The following UMAD1 variants were observed in gnomAD, a reference collection of about 807,000 sequenced individuals.
The protein encoded by UMAD1 is UBAP1-MVB12-associated (UMA)-domain containing protein 1.
In UMAD1, 8 loss-of-function variants were observed where a neutral mutation model predicts 6.1. That is an observed-to-expected ratio of 1.30 (90% CI 0.76 to 2.35). UMAD1 has a LOEUF of 2.35. Ranked by LOEUF, UMAD1 falls within the 30% of genes most tolerant of loss-of-function variation. The pLI is 0.00. For synonymous variants in UMAD1, 56 were observed against 31.4 expected (o/e 1.78, Z -2.61); for missense variants, 130 against 78.4 (o/e 1.66, Z -2.49).
chr7:7,741,284 GAC>G (rs201572739), intron 2 of UMAD1, among the ~76,000 whole-genome samples: 1,868 of 150,588 alleles, frequency 0.012, 17 homozygotes, highest in Middle Eastern at 0.028. Flanking sequence ...AAAAAAAAAA[GAC>G]TGTGGCCTGG....
Position 7,823,292 on chromosome 7 carries a change from A to T in UMAD1, c.156+21549A>T, listed in dbSNP as rs543974001. On this transcript the variant is annotated intron_variant, in intron 3 of 3. Transcript: ENST00000682710. ...TTTTTCCCTTAACTATGATTGCCAG[A>T]TTTAGCAAATAAAATTACTGGATGC... Among the ~76,000 whole-genome samples, 6 of 152,298 alleles carry T rather than the reference A, an allele frequency of 3.9e-5. No homozygotes were observed. In the East Asian group the frequency reaches 1.2e-3, roughly 29 times the overall value.
At chr7:7,743,756 ATT>A (rs1270099604) in intron 2 of UMAD1, among the ~76,000 whole-genome samples, 16 of 151,638 alleles carry the variant, frequency 1.1e-4, no homozygotes, top group African/African-American at 3.9e-4. Flanking sequence ...TTAAAAAAAT[ATT>A]GTTTTAAAAT....
At chr7:7,873,613 C>G (rs540628826) in intron 3 of UMAD1, among the ~76,000 whole-genome samples, 3 of 152,212 alleles carry the variant, frequency 2.0e-5, no homozygotes, top group Admixed American at 2.0e-4. Context: ...ATTATAAGAC[C>G]ACTCTTATAG....
chr7:7,787,577 C>T (rs1782484201), intron 2 of UMAD1, among the ~76,000 whole-genome samples: 1 of 152,114 alleles, frequency 6.6e-6, no homozygotes, highest in Non-Finnish European at 1.5e-5. Flanking sequence ...ATGTTATTTA[C>T]CTCAAACTCC....
At chr7:7,777,393 C>G (rs1323839318) in intron 2 of UMAD1, among the ~76,000 whole-genome samples, 1 of 150,744 alleles carries the variant, frequency 6.6e-6, no homozygotes, top group Non-Finnish European at 1.5e-5. Flanking sequence ...GTAATCCCAG[C>G]TACTCGGGAG....
At chr7:7,645,536 C>A (rs751369720) in intron 1 of UMAD1, among the ~76,000 whole-genome samples, 22 of 152,182 alleles carry the variant, frequency 1.4e-4, no homozygotes, top group Non-Finnish European at 2.8e-4. Context: ...AGAAGTGGAC[C>A]CGCATTCAGC....
chr7:7,664,581 A>G (rs1029515056), intron 1 of UMAD1, among the ~76,000 whole-genome samples: 1 of 152,076 alleles, frequency 6.6e-6, no homozygotes, highest in Non-Finnish European at 1.5e-5. Flanking sequence ...TTTCCTCTAT[A>G]CCCACTATGC....
At chr7:7,776,370 T>A (rs1188965943) in intron 2 of UMAD1, among the ~76,000 whole-genome samples, 1 of 152,176 alleles carries the variant, frequency 6.6e-6, no homozygotes, top group South Asian at 2.1e-4. Flanking sequence ...TAAACGCTAA[T>A]CTCAAAATAT....
chr7:7,757,969 A>G (rs1433467299), intron 2 of UMAD1, among the ~76,000 whole-genome samples: 1 of 152,158 alleles, frequency 6.6e-6, no homozygotes, highest in East Asian at 1.9e-4. Context: ...GGTCACTCAT[A>G]AAACAGAAAT....
chr7:7,759,954 C>T (rs1443991017), intron 2 of UMAD1, among the ~76,000 whole-genome samples: 2 of 152,076 alleles, frequency 1.3e-5, no homozygotes, highest in African/African-American at 4.8e-5. Flanking sequence ...AAAGTTGTGT[C>T]GACGCCCCCT....
At chr7:7,797,304 C>T (rs1782705301) in intron 2 of UMAD1, among the ~76,000 whole-genome samples, 1 of 152,184 alleles carries the variant, frequency 6.6e-6, no homozygotes. Context: ...TCCCAGCAGG[C>T]CCACCTGCAA....
chr7:7,656,963 CCT>C lies in UMAD1; in HGVS notation c.-64+16146_-64+16147del, dbSNP rs541402248. 2.5e-3 allele frequency among the ~76,000 whole-genome samples: 385 copies of C among 152,336 alleles called. 1 individual carries two copies. The highest frequency in any genetic ancestry group is 8.9e-3 in the African/African-American group (369 of 41,570). Reference sequence around the variant, plus strand: ...TAAAAGCCTTCCTATTTCTACACATCCTCTCCAGCATCTGTTGTTTCCTGACT... The same window carrying C: ...TAAAAGCCTTCCTATTTCTACACATCCTCCAGCATCTGTTGTTTCCTGACT... On this transcript the variant is annotated intron_variant, in intron 1 of 3. Coordinates refer to ENST00000682710, the MANE Select transcript of UMAD1 (RefSeq NM_001302348.2).
At chr7:7,855,787 G>A (rs959204483) in intron 3 of UMAD1, among the ~76,000 whole-genome samples, 1 of 152,166 alleles carries the variant, frequency 6.6e-6, no homozygotes, top group Non-Finnish European at 1.5e-5. Flanking sequence ...ATTTTCTACT[G>A]TATCATCTGG....
intron 1 of UMAD1, among the ~76,000 whole-genome samples, chr7:7,665,344 A>AATTAAAAGTGT (rs1197836817): frequency 6.6e-6 from 1 of 152,244 alleles, no homozygotes; most frequent in African/African-American, 2.4e-5. Flanking sequence ...ATTAAAAGTC[A>AATTAAAAGTGT]ATACAGTGTC....
intron 3 of UMAD1, among the ~76,000 whole-genome samples, chr7:7,846,875 G>GA (rs768676214): frequency 3.2e-5 from 4 of 124,378 alleles, no homozygotes; most frequent in Non-Finnish European, 4.9e-5. Context: ...ATGGACACAG[G>GA]AAGGGGAATA....
chr7:7,832,057 G>C (rs1405813135), intron 3 of UMAD1, among the ~76,000 whole-genome samples: 1 of 152,150 alleles, frequency 6.6e-6, no homozygotes, highest in Non-Finnish European at 1.5e-5. Context: ...CTGGCCCTTT[G>C]AATGTTGACT....
intron 2 of UMAD1, among the ~76,000 whole-genome samples, chr7:7,701,004 C>T (rs1293556682): frequency 6.6e-6 from 1 of 152,166 alleles, no homozygotes; most frequent in African/African-American, 2.4e-5. Flanking sequence ...GAGCTATGAT[C>T]ACGGTACTAC....
chr7:7,746,627 C>T (rs948448262), intron 2 of UMAD1, among the ~76,000 whole-genome samples: 1 of 152,220 alleles, frequency 6.6e-6, no homozygotes, highest in African/African-American at 2.4e-5. Flanking sequence ...TAAAATTGGC[C>T]TGCAAGTGAA....
chr7:7,693,295 T>TTATCTATCTATCTATC (rs1250261083), intron 2 of UMAD1, among the ~76,000 whole-genome samples: 7,532 of 148,936 alleles, frequency 0.051, 205 homozygotes, highest in Middle Eastern at 0.066. Flanking sequence ...TAAAATATCT[T>TTATCTATCTATCTATC]TATCTATCTA....
Sources: gnomAD v4.1 joint callset for allele counts (sites outside exome capture counted in the v4.1 genomes callset) on GRCh38, gnomAD v4.1.1 for gene constraint, MANE v1.5 for transcripts, NCBI Gene and HGNC (gene_info 2026-07-23, HGNC 2026-07-21) for gene names.